The following INPP5D variants were observed in gnomAD, a reference collection of about 807,000 sequenced individuals.
INPP5D encodes the protein phosphatidylinositol 3,4,5-trisphosphate 5-phosphatase 1.
INPP5D carries 33 observed loss-of-function variants against 122.9 expected under a neutral mutation model. The ratio of observed to expected loss-of-function variants is 0.27; its 90% CI spans 0.20 to 0.36. The LOEUF (loss-of-function observed/expected upper bound fraction) is 0.36. INPP5D is among the 10% of genes least tolerant of loss of function. INPP5D has a pLI of 1.00. For missense variants in INPP5D, 1,053 were observed against 1,412.7 expected, an observed-to-expected ratio of 0.75 and a Z score of 4.08; for synonymous variants, 584 against 576.2, an observed-to-expected ratio of 1.01 and a Z score of -0.19.
At position 233,197,304 on chromosome 2, in the gene INPP5D, C is replaced by T. The variant is rs760466572; in HGVS notation, c.2694-791C>T. ...AGCTTTAAGCTGATTGCCCCCAATT[C>T]CAGGCTCCAACCTTGATCTCTGTGA... On this transcript the variant is annotated intron_variant, in intron 24 of 26. Coordinates refer to ENST00000445964, the MANE Select transcript of INPP5D (RefSeq NM_001017915.3). The surrounding 1 kb of genome is among the most constrained non-coding windows in gnomAD (Gnocchi z 4.4). Among the ~76,000 whole-genome samples the T allele has an allele frequency of 2.0e-4, 31 of 152,214 alleles. No homozygotes were observed. The highest frequency in any genetic ancestry group is 3.2e-4 in the Non-Finnish European group (22 of 68,034).
chr2:233,109,365 C>T (rs959914385), intron 2 of INPP5D, among the ~76,000 whole-genome samples: 4 of 152,230 alleles, frequency 2.6e-5, no homozygotes, highest in African/African-American at 9.7e-5. Context: ...AGTCACCTCA[C>T]CCTCGTCTAT....
Position 233,161,774 on chromosome 2 carries a change from A to C in INPP5D, c.1188A>C (p.Ser396=), listed in dbSNP as rs758023759. 6.2e-7 allele frequency: 1 copy of C among 1,613,812 alleles called. No homozygotes were observed. Among genetic ancestry groups the C allele is most frequent in the Admixed American group, 1.7e-5 (1 of 59,986 alleles). ...TGCAGCAGATGAAGAACAAGCACTC[A>C]GAGCAGCCGGAGCCCGACATGATCA... is the stretch of plus-strand genomic sequence containing the variant. The part of the protein sequence containing the change: ...QLLQQMKNKH[S]EQPEPDMITI... Residue 396 remains serine, a synonymous_variant, in exon 11 of 27, where the codon TCA becomes TCC. Transcript: ENST00000445964.
Position 233,206,974 on chromosome 2 carries a change from C to A in INPP5D, c.*266C>A. ...CAGCTCGCTCTTGGTACTTGGGACC[C>A]CAGTGCCTCGTTGAGGGCGCCATTC... On this transcript the variant is annotated 3_prime_UTR_variant, in exon 27 of 27. Transcript: ENST00000445964. The surrounding 1 kb of genome is among the most constrained non-coding windows in gnomAD (Gnocchi z 4.0). The A allele has an allele frequency of 2.1e-6, 1 of 465,996 alleles. No homozygotes were observed. The allele number at this position is 465,996 out of a possible 1,614,324, so 28.9% of individuals were successfully genotyped here.
intron 25 of INPP5D, among the ~76,000 whole-genome samples, chr2:233,200,751 G>T (rs958782454): frequency 5.3e-5 from 8 of 152,120 alleles, no homozygotes; most frequent in Non-Finnish European, 1.2e-4. Flanking sequence ...TTGAGGTCAG[G>T]AGTTTGAGAC....
intron 25 of INPP5D, among the ~76,000 whole-genome samples, chr2:233,200,726 A>C (rs1027221035): frequency 6.6e-6 from 1 of 152,154 alleles, no homozygotes; most frequent in Non-Finnish European, 1.5e-5. Context: ...TGGGAAGCCA[A>C]GGTGGGCAGA....
chr2:233,191,145 G>A (rs1297159843), intron 22 of INPP5D, among the ~76,000 whole-genome samples: 1 of 152,182 alleles, frequency 6.6e-6, no homozygotes, highest in East Asian at 1.9e-4. Context: ...GCAGGGCTGG[G>A]GAGGCCTCAG....
intron 2 of INPP5D, among the ~76,000 whole-genome samples, chr2:233,079,600 C>T (rs4315512): frequency 0.071 from 10,764 of 152,154 alleles, 486 homozygotes; most frequent in Admixed American, 0.1. Flanking sequence ...TGTGACATGA[C>T]GGAGTTGCAT....
intron 18 of INPP5D, among the ~76,000 whole-genome samples, chr2:233,179,008 C>G (rs996330266): frequency 3.3e-5 from 5 of 152,184 alleles, no homozygotes; most frequent in African/African-American, 1.2e-4. Flanking sequence ...CTCCTACTGC[C>G]CAGAAGAGCC....
rs578167674 is a variant in INPP5D, at chr2:233,078,316, A to G, written c.135-1019A>G. On this transcript the variant is annotated intron_variant, in intron 1 of 26. Coordinates refer to ENST00000445964, the MANE Select transcript of INPP5D (RefSeq NM_001017915.3). The surrounding 1 kb of genome is among the most constrained non-coding windows in gnomAD (Gnocchi z 4.6). ...GTGAAAAGTACCTTCTCCTCCTCAC[A>G]TTAGAGATGACTGTGCCAAAGGAAG... Among the ~76,000 whole-genome samples, 3 of 152,316 alleles carry G rather than the reference A, an allele frequency of 2.0e-5. No individual in the cohort carries two copies. The East Asian group carries it at 5.8e-4, about 29-fold the overall frequency.
intron 23 of INPP5D, among the ~76,000 whole-genome samples, chr2:233,194,488 CTTTTTTTTTT>C (rs544200839): frequency 7.4e-4 from 66 of 88,728 alleles, no homozygotes; most frequent in Middle Eastern, 7.7e-3. Context: ...TTCTAAACTG[CTTTTTTTTTT>C]TTTTTTTTTT....
At chr2:233,202,557 A>G (rs1367510660) in intron 25 of INPP5D, among the ~76,000 whole-genome samples, 1 of 152,132 alleles carries the variant, frequency 6.6e-6, no homozygotes, top group Non-Finnish European at 1.5e-5. Flanking sequence ...CCTGCTCCCC[A>G]GAGTCACTGT....
chr2:233,127,316 T>C lies in INPP5D; in HGVS notation c.524+1397T>C, dbSNP rs549593799. On this transcript the variant is annotated intron_variant, in intron 4 of 26. Transcript: ENST00000445964. ...GAGATGGGAATGAGTGAAGGGGGCA[T>C]GTGCAGAGACCAAGGAAAGCGGCGA... Among the ~76,000 whole-genome samples, 3 of 152,348 alleles carry C rather than the reference T, an allele frequency of 2.0e-5. No individual in the cohort carries two copies. The East Asian group carries it at 5.8e-4, about 29-fold the overall frequency.
intron 3 of INPP5D, 53 bp downstream of exon 3, chr2:233,122,310 AC>A: frequency 6.4e-7 from 1 of 1,572,794 alleles, no homozygotes; most frequent in Non-Finnish European, 8.6e-7. Context: ...CTTGCCCTGC[AC>A]CCACCTTGAG....
In INPP5D at chr2:233,133,937, G is replaced by A. The variant is rs1437609390; in HGVS notation, c.665+3289G>A. ...GTTATACACAGGCTCTGGCACATGC[G>A]GCTCAACAGATATTAGGTAAATGAC... is the stretch of plus-strand genomic sequence containing the variant. On this transcript the variant is annotated intron_variant, in intron 5 of 26. Coordinates refer to ENST00000445964, the MANE Select transcript of INPP5D (RefSeq NM_001017915.3). The A allele has an allele frequency of 2.4e-5, 11 of 455,990 alleles. No individual in the cohort carries two copies. In the East Asian group the frequency reaches 2.8e-4, roughly 12 times the overall value. The allele number at this position is 455,990 out of a possible 1,614,324, so 28.2% of individuals were successfully genotyped here.
At chr2:233,062,346 C>T (rs148294173) in intron 1 of INPP5D, among the ~76,000 whole-genome samples, 2 of 152,332 alleles carry the variant, frequency 1.3e-5, no homozygotes, top group East Asian at 3.9e-4. Flanking sequence ...ATCTTAACGT[C>T]TAGGATTAGC....
chr2:233,167,656 C>T (rs951951152), intron 13 of INPP5D, among the ~76,000 whole-genome samples: 7 of 152,154 alleles, frequency 4.6e-5, no homozygotes, highest in African/African-American at 1.7e-4. Flanking sequence ...CAAGGTTGAG[C>T]CAGGTGATAT....
Position 233,125,889 on chromosome 2 carries a change from T to C in INPP5D, c.494T>C (p.Phe165Ser). ...CGGCCGAGCCTCTCCGAGACATTGT[T>C]CCAGCGACTGCAAAGCATGGACACC... ...TSRPSLSETLFQRLQSMDTSG... is the reference protein window; with the variant it reads ...TSRPSLSETLSQRLQSMDTSG... The change falls in exon 4 of 27, where the codon TTC (phenylalanine) becomes TCC (serine). Residue 165 changes from phenylalanine (F) to serine (S), a missense_variant. This residue lies in a region of INPP5D where 196 missense variants were observed against 175.6 expected (regional missense o/e 1.12). Coordinates refer to ENST00000445964, the MANE Select transcript of INPP5D (RefSeq NM_001017915.3). 6.2e-7 allele frequency: 1 copy of C among 1,613,740 alleles called. No individual in the cohort carries two copies. The highest frequency in any genetic ancestry group is 8.5e-7 in the Non-Finnish European group (1 of 1,179,806).
chr2:233,193,988 C>T, intron 23 of INPP5D, 27 bp downstream of exon 23: 1 of 1,552,222 alleles, frequency 6.4e-7, no homozygotes, highest in Non-Finnish European at 8.7e-7. Flanking sequence ...TCCCCAGCGC[C>T]CTCTTCAGCC....
chr2:233,072,317 A>T (rs1362489757), intron 1 of INPP5D, among the ~76,000 whole-genome samples: 1 of 152,188 alleles, frequency 6.6e-6, no homozygotes, highest in Non-Finnish European at 1.5e-5. Context: ...TACTGGTAAA[A>T]TAATTTTATA....
Sources: allele counts gnomAD v4.1 joint callset (sites outside exome capture counted in the v4.1 genomes callset), GRCh38; gene constraint gnomAD v4.1.1; regional missense constraint gnomAD v4.1.1; non-coding constraint Gnocchi (gnomAD v3.1); transcripts MANE v1.5; gene names NCBI Gene and HGNC (gene_info 2026-07-23, HGNC 2026-07-21).